Variants in TMTC2 observed in about 807,000 individuals in gnomAD.
TMTC2 encodes the protein transmembrane O-mannosyltransferase targeting cadherins 2, also known as protein O-mannosyl-transferase TMTC2.
A neutral mutation model predicts 82.4 loss-of-function variants in TMTC2; 43 were observed. The ratio of observed to expected loss-of-function variants is 0.52; its 90% confidence interval spans 0.41 to 0.67. The LOEUF (loss-of-function observed/expected upper bound fraction) is 0.67, where lower values mean the gene tolerates loss of function less well. Among genes scored for constraint, TMTC2 ranks in the 30% least tolerant of loss-of-function variants. TMTC2 has a pLI of 0.00. For missense variants in TMTC2, 919 were observed against 1,012.4 expected, an observed-to-expected ratio of 0.91 and a Z score of 1.25; for synonymous variants, 408 against 381.9, an observed-to-expected ratio of 1.07 and a Z score of -0.80.
chr12:83,074,230 G>T (rs936951020), intron 11 of TMTC2, among the ~76,000 whole-genome samples: 1 of 152,136 alleles, frequency 6.6e-6, no homozygotes, highest in Admixed American at 6.5e-5. Context: ...CCAAACTGCA[G>T]TGATTGTTGT....
In TMTC2 at chr12:82,966,966, G is replaced by A. The variant is rs1358618542; in HGVS notation, c.1917G>A (p.Gln639=). The A allele has an allele frequency of 6.2e-7, 1 of 1,613,376 alleles. No individual in the cohort carries two copies. The highest frequency in any genetic ancestry group is 8.5e-7 in the Non-Finnish European group (1 of 1,179,466). Residue 639 remains glutamine, a synonymous_variant, in exon 7 of 12, where the codon CAG becomes CAA. Coordinates refer to ENST00000321196, the MANE Select transcript of TMTC2 (RefSeq NM_152588.3). ...YKEAIQKMPR[Q]FAPQSLYNMM... ...AAGCAATTCAGAAAATGCCAAGGCAGTTTGCCCCACAGAGCTTGTACAACA... is the reference window on the plus strand; with the variant it reads ...AAGCAATTCAGAAAATGCCAAGGCAATTTGCCCCACAGAGCTTGTACAACA...
intron 1 of TMTC2, among the ~76,000 whole-genome samples, chr12:82,786,367 G>A (rs1400607122): frequency 6.6e-6 from 1 of 152,014 alleles, no homozygotes; most frequent in Admixed American, 6.6e-5. Flanking sequence ...GTATCACAAG[G>A]TATAGTACAT....
chr12:82,893,957 GA>G (rs1283539589), intron 2 of TMTC2, among the ~76,000 whole-genome samples: 1 of 152,152 alleles, frequency 6.6e-6, no homozygotes, highest in Non-Finnish European at 1.5e-5. Context: ...GAGATGGAGA[GA>G]AAAAGGACAG....
chr12:82,987,200 G>A (rs1445077688), intron 8 of TMTC2, among the ~76,000 whole-genome samples: 2 of 152,008 alleles, frequency 1.3e-5, no homozygotes, highest in Non-Finnish European at 2.9e-5. Context: ...GAGGCAGGCA[G>A]ATCACCTGAG....
At chr12:82,701,518 G>A (rs185473205) in intron 1 of TMTC2, among the ~76,000 whole-genome samples, 38 of 151,222 alleles carry the variant, frequency 2.5e-4, no homozygotes, top group Admixed American at 1.2e-3. Context: ...TTGGGAGGCC[G>A]AGGCGGGCGG....
chr12:82,930,350 G>T, intron 3 of TMTC2, 81 bp from the exon 4 acceptor site: 2 of 683,790 alleles, frequency 2.9e-6, no homozygotes, highest in East Asian at 5.4e-5. Flanking sequence ...CTCTCCCTGT[G>T]GTACTTCCTG....
intron 2 of TMTC2, among the ~76,000 whole-genome samples, chr12:82,859,853 G>A (rs1226667354): frequency 1.3e-5 from 2 of 152,160 alleles, no homozygotes; most frequent in Non-Finnish European, 2.9e-5. Context: ...GTAGTGGTCG[G>A]GGGCAGCAAG....
chr12:82,930,317 T>TA, intron 3 of TMTC2, 114 bp from the exon 4 acceptor site: 1 of 581,348 alleles, frequency 1.7e-6, no homozygotes, highest in Non-Finnish European at 3.1e-6. Context: ...TTTTCCTTCT[T>TA]AAAAATGTTT....
At chr12:82,937,727 TG>T (rs71068959) in intron 4 of TMTC2, among the ~76,000 whole-genome samples, 1 of 34,160 alleles carries the variant, frequency 2.9e-5, no homozygotes, top group African/African-American at 6.7e-5. Context: ...TGTGTGTGTG[TG>T]GATGTGTGTG....
At chr12:82,934,811 T>G (rs993961104) in intron 4 of TMTC2, among the ~76,000 whole-genome samples, 14 of 152,182 alleles carry the variant, frequency 9.2e-5, no homozygotes, top group African/African-American at 3.4e-4. Context: ...TCTTCCACAG[T>G]GTTTGAACTA....
intron 1 of TMTC2, among the ~76,000 whole-genome samples, chr12:82,804,365 CTCTGAAAATT>C (rs1879145787): frequency 6.6e-6 from 1 of 152,212 alleles, no homozygotes; most frequent in Admixed American, 6.5e-5. Context: ...TATTGACTTC[CTCTGAAAATT>C]TCTAGAATTT....
At chr12:82,777,977 A>G (rs1229079122) in intron 1 of TMTC2, among the ~76,000 whole-genome samples, 1 of 151,872 alleles carries the variant, frequency 6.6e-6, no homozygotes, top group Admixed American at 6.6e-5. Flanking sequence ...TAGTGACTCA[A>G]TTTTATTTTC....
At chr12:83,020,540 A>G (rs1880870212) in intron 8 of TMTC2, among the ~76,000 whole-genome samples, 1 of 152,200 alleles carries the variant, frequency 6.6e-6, no homozygotes, top group South Asian at 2.1e-4. Context: ...TACTTGCTTC[A>G]CCTTAGCTTC....
chr12:83,122,096 G>C (rs1457958032), intron 11 of TMTC2, among the ~76,000 whole-genome samples: 1 of 151,928 alleles, frequency 6.6e-6, no homozygotes, highest in Non-Finnish European at 1.5e-5. Flanking sequence ...GTGAAAGCAA[G>C]TGTCACTGAG....
At chr12:82,904,502 T>G (rs1874186522) in intron 3 of TMTC2, among the ~76,000 whole-genome samples, 1 of 152,210 alleles carries the variant, frequency 6.6e-6, no homozygotes, top group African/African-American at 2.4e-5. Flanking sequence ...TGATTTGGAC[T>G]ATGTAAACCA....
intron 1 of TMTC2, among the ~76,000 whole-genome samples, chr12:82,731,643 T>C (rs879478114): frequency 1.3e-5 from 2 of 152,232 alleles, no homozygotes; most frequent in African/African-American, 2.4e-5. Context: ...AATAATAGGC[T>C]TTATTTTAGG....
chr12:82,916,749 T>TG (rs1875024053), intron 3 of TMTC2, among the ~76,000 whole-genome samples: 1 of 151,256 alleles, frequency 6.6e-6, no homozygotes, highest in South Asian at 2.1e-4. Flanking sequence ...GTACTAAATT[T>TG]TATGTTTACA....
intron 11 of TMTC2, among the ~76,000 whole-genome samples, chr12:83,112,588 A>G (rs947845727): frequency 1.3e-5 from 2 of 152,226 alleles, no homozygotes; most frequent in Admixed American, 1.3e-4. Context: ...TTTATGAGAT[A>G]AATGGCCTAT....
chr12:83,038,641 A>G (rs1881765497), intron 9 of TMTC2, among the ~76,000 whole-genome samples: 1 of 152,166 alleles, frequency 6.6e-6, no homozygotes. Context: ...TGAAAGATAC[A>G]TAATAATGAG....
Sources: gnomAD v4.1 joint callset for allele counts (sites outside exome capture counted in the v4.1 genomes callset) on GRCh38, gnomAD v4.1.1 for gene constraint, MANE v1.5 for transcripts, NCBI Gene and HGNC (gene_info 2026-07-23, HGNC 2026-07-21) for gene names.